Variants in IFNAR2 observed in about 807,000 individuals in gnomAD.
The protein encoded by IFNAR2 is interferon alpha/beta receptor 2.
A neutral mutation model predicts 49.4 loss-of-function variants in IFNAR2; 30 were observed. The ratio of observed to expected loss-of-function variants is 0.61; its 90% CI spans 0.45 to 0.82. The LOEUF (loss-of-function observed/expected upper bound fraction) is 0.82. Ranked by LOEUF, IFNAR2 falls within the 40% of genes least tolerant of loss-of-function variation. The pLI is 0.00. For missense variants in IFNAR2, 600 were observed against 622.7 expected (o/e 0.96, Z 0.39); for synonymous variants, 224 against 234.5 (o/e 0.96, Z 0.41).
At chr21:33,243,756 T>C (rs748667304) in intron 3 of IFNAR2, 42 bp downstream of exon 3, 30 of 1,397,700 alleles carry the variant, frequency 2.1e-5, no homozygotes, top group Non-Finnish European at 3.1e-5. Context: ...TGTATAAGAG[T>C]GAAAGTGTTG....
chr21:33,231,438 A>G (rs1198150767), intron 1 of IFNAR2, among the ~76,000 whole-genome samples: 3 of 152,196 alleles, frequency 2.0e-5, no homozygotes, highest in African/African-American at 4.8e-5. Context: ...TATTTCCTCT[A>G]AAGTTTCTCA....
chr21:33,240,430 C>A (rs1002265442), intron 1 of IFNAR2, among the ~76,000 whole-genome samples: 1 of 152,138 alleles, frequency 6.6e-6, no homozygotes, highest in Admixed American at 6.5e-5. Flanking sequence ...GATGTTCATA[C>A]AACAAAATAG....
chr21:33,237,107 GTGTT>G (rs991645929), intron 1 of IFNAR2, among the ~76,000 whole-genome samples: 2 of 146,356 alleles, frequency 1.4e-5, no homozygotes, highest in Non-Finnish European at 3.1e-5. Context: ...GTGTGTGTGT[GTGTT>G]TTCTCGGCTG....
chr21:33,244,216 T>C (rs1418175486), intron 3 of IFNAR2, among the ~76,000 whole-genome samples: 2 of 152,170 alleles, frequency 1.3e-5, no homozygotes, highest in Non-Finnish European at 2.9e-5. Flanking sequence ...AACAAAGGCC[T>C]GAGTCCTAAC....
At position 33,230,709 on chromosome 21, in the gene IFNAR2, C is replaced by T. The variant is rs192879048; in HGVS notation, c.-84+493C>T. ...CCCCCCTCGACCTGCGTCAGGGTCA[C>T]AGACTGCAGCCGGGGCTGGAGCGGC... is the stretch of plus-strand genomic sequence containing the variant. On this transcript the variant is annotated intron_variant, in intron 1 of 8. Transcript: ENST00000342136. This position sits in a 1 kb window ranked among gnomAD's most constrained non-coding sequence, Gnocchi z 5.5. Among the ~76,000 whole-genome samples the T allele has an allele frequency of 6.6e-6, 1 of 152,288 alleles. No individual in the cohort carries two copies. Among genetic ancestry groups the T allele is most frequent in the Admixed American group, 6.5e-5 (1 of 15,306 alleles).
chr21:33,236,850 A>G, intron 1 of IFNAR2: 3 of 985,226 alleles, frequency 3.0e-6, no homozygotes, highest in Non-Finnish European at 3.6e-6. Flanking sequence ...GCCTGGGGGT[A>G]CTGAGACTAG....
At chr21:33,242,039 AGCACTGGCAGGAAGTC>A in intron 2 of IFNAR2, 62 bp downstream of exon 2, 1 of 1,511,974 alleles carries the variant, frequency 6.6e-7, no homozygotes, top group East Asian at 2.3e-5. Context: ...CCTCACTGAG[AGCACTGGCAGGAAGTC>A]GCAAACTCAT....
At position 33,260,589 on chromosome 21, in the gene IFNAR2, A is replaced by G. The variant is rs753216006; in HGVS notation, c.710-8A>G. 4.4e-6 allele frequency: 7 copies of G among 1,574,530 alleles called. No individual in the cohort carries two copies. Among genetic ancestry groups the G allele is most frequent in the South Asian group, 2.4e-5 (2 of 83,728 alleles). ...TTGAAATAAAGTCATTTAATTTTTCATCAACAGAATCAGCAGAATCTGCCA... is the reference window on the plus strand; with the variant it reads ...TTGAAATAAAGTCATTTAATTTTTCGTCAACAGAATCAGCAGAATCTGCCA... On this transcript the variant is annotated splice_region_variant and splice_polypyrimidine_tract_variant and intron_variant, in intron 7 of 8. Coordinates refer to ENST00000342136, the MANE Select transcript of IFNAR2 (RefSeq NM_001289125.3).
intron 1 of IFNAR2, among the ~76,000 whole-genome samples, chr21:33,240,524 T>A (rs1462988550): frequency 6.6e-6 from 1 of 152,154 alleles, no homozygotes; most frequent in Non-Finnish European, 1.5e-5. Flanking sequence ...AACAAATGAT[T>A]GGATAAAGAA....
chr21:33,258,411 A>G (rs2123523040), intron 7 of IFNAR2, among the ~76,000 whole-genome samples: 1 of 152,320 alleles, frequency 6.6e-6, no homozygotes, highest in South Asian at 2.1e-4. Flanking sequence ...AAGGAATGCA[A>G]GTGGCCTCTA....
chr21:33,234,809 A>G, intron 1 of IFNAR2: 2 of 920,156 alleles, frequency 2.2e-6, no homozygotes, highest in Non-Finnish European at 2.6e-6. Context: ...CACAGGATGG[A>G]ATTAAAGAGC....
chr21:33,263,506 A>G lies in IFNAR2; in HGVS notation c.*6A>G. On this transcript the variant is annotated 3_prime_UTR_variant, in exon 9 of 9. Transcript: ENST00000342136. ...ATGGTTATATAATGAGATGACTCCA[A>G]AACTATTGAATGAACTTGGACAGAC... 1.3e-6 allele frequency: 2 copies of G among 1,596,946 alleles called. No homozygotes were observed. Among genetic ancestry groups the G allele is most frequent in the Non-Finnish European group, 1.7e-6 (2 of 1,171,486 alleles).
At chr21:33,233,436 G>C (rs1415730902) in intron 1 of IFNAR2, among the ~76,000 whole-genome samples, 2 of 152,168 alleles carry the variant, frequency 1.3e-5, no homozygotes, top group Non-Finnish European at 2.9e-5. Flanking sequence ...TAGGCCAAAG[G>C]AACATGCCAT....
intron 6 of IFNAR2, chr21:33,252,108 CT>C (rs1337782104): frequency 4.3e-6 from 2 of 462,542 alleles, no homozygotes; most frequent in South Asian, 3.2e-5. Flanking sequence ...ATCTATCTAT[CT>C]ATCTATCTAT....
At chr21:33,240,479 G>C (rs540980933) in intron 1 of IFNAR2, among the ~76,000 whole-genome samples, 1 of 152,122 alleles carries the variant, frequency 6.6e-6, no homozygotes, top group Non-Finnish European at 1.5e-5. Flanking sequence ...ACTGTTCACA[G>C]TTGCAAAGAT....
At chr21:33,244,831 G>T (rs1224999374) in intron 3 of IFNAR2, 120 bp from the exon 4 acceptor site, 2 of 855,114 alleles carry the variant, frequency 2.3e-6, no homozygotes, top group Non-Finnish European at 3.8e-6. Flanking sequence ...AGACACCAGG[G>T]CTCTCTGGAG....
At chr21:33,261,270 C>T (rs993820134) in intron 8 of IFNAR2, among the ~76,000 whole-genome samples, 3 of 152,052 alleles carry the variant, frequency 2.0e-5, no homozygotes, top group Non-Finnish European at 4.4e-5. Flanking sequence ...CTCCTGACTT[C>T]AAGTGATCCA....
intron 4 of IFNAR2, 77 bp downstream of exon 4, chr21:33,245,151 T>C: frequency 9.4e-7 from 1 of 1,069,438 alleles, no homozygotes; most frequent in Non-Finnish European, 1.4e-6. Flanking sequence ...CTTTTCTCTC[T>C]CTCTGTCTCT....
chr21:33,248,692 T>C lies in IFNAR2; in HGVS notation c.395-17T>C, dbSNP rs1281209157. On this transcript the variant is annotated splice_polypyrimidine_tract_variant and intron_variant, in intron 5 of 8. Transcript: ENST00000342136. ...GTCTCTGTGACATATTCCTGTCTGT[T>C]TTTGTTTTTTGCACAGTGTCTTTTG... 3 of 1,591,518 alleles carry C rather than the reference T, an allele frequency of 1.9e-6. No homozygotes were observed. The highest frequency in any genetic ancestry group is 1.8e-5 in the Admixed American group (1 of 56,492).
Sources: allele counts gnomAD v4.1 joint callset (sites outside exome capture counted in the v4.1 genomes callset), GRCh38; gene constraint gnomAD v4.1.1; non-coding constraint Gnocchi (gnomAD v3.1); transcripts MANE v1.5; gene names NCBI Gene and HGNC (gene_info 2026-07-23, HGNC 2026-07-21).